DNM3: variants seen among roughly 807,000 people sequenced by gnomAD.
DNM3 encodes the protein dynamin 3, also known as dynamin-3.
In DNM3, 47 loss-of-function variants were observed where a neutral mutation model predicts 101.6. The observed-to-expected ratio is 0.46, with a 90% CI of 0.37 to 0.59. DNM3 has a LOEUF of 0.59. Among genes scored for constraint, DNM3 ranks in the 20% least tolerant of loss-of-function variants. The probability of loss-of-function intolerance (pLI) is 0.00; values close to 1 mark genes in which losing one functional copy is unlikely to be tolerated. For missense variants in DNM3, 849 were observed against 1,085.7 expected, an observed-to-expected ratio of 0.78 and a Z score of 3.06; for synonymous variants, 385 against 387.9, an observed-to-expected ratio of 0.99 and a Z score of 0.09.
intron 2 of DNM3, among the ~76,000 whole-genome samples, chr1:171,961,641 A>G (rs2043217240): frequency 2.0e-5 from 3 of 152,206 alleles, no homozygotes; most frequent in Admixed American, 6.5e-5. Flanking sequence ...CCAAACAGAT[A>G]TGTGCCCACC....
chr1:172,353,994 G>A (rs17277932), intron 17 of DNM3, among the ~76,000 whole-genome samples: 13,967 of 151,756 alleles, frequency 0.092, 921 homozygotes, highest in Non-Finnish European at 0.14. Context: ...CCACTTACTC[G>A]TGGTTCACGG....
chr1:172,399,089 C>A (rs2070256831), intron 20 of DNM3, among the ~76,000 whole-genome samples: 1 of 152,140 alleles, frequency 6.6e-6, no homozygotes, highest in South Asian at 2.1e-4. Context: ...TGAGTAAATT[C>A]TTTGTGTTCC....
intron 15 of DNM3, among the ~76,000 whole-genome samples, chr1:172,267,173 G>A (rs2062894682): frequency 2.6e-5 from 4 of 152,194 alleles, no homozygotes; most frequent in Admixed American, 2.6e-4. Context: ...TCTACTGTGA[G>A]ACTGCTTTCC....
chr1:171,973,588 CT>C (rs1199959041), intron 2 of DNM3, among the ~76,000 whole-genome samples: 2 of 151,916 alleles, frequency 1.3e-5, no homozygotes, highest in East Asian at 3.9e-4. Context: ...GTGGAGGGAA[CT>C]GAGGCTTGGG....
chr1:171,943,342 A>G (rs1234641465), intron 2 of DNM3, among the ~76,000 whole-genome samples: 1 of 152,166 alleles, frequency 6.6e-6, no homozygotes, highest in Admixed American at 6.5e-5. Context: ...AAACTAGTTC[A>G]GGACATGATG....
chr1:172,233,673 A>G (rs2061425406), intron 14 of DNM3, among the ~76,000 whole-genome samples: 1 of 152,236 alleles, frequency 6.6e-6, no homozygotes, highest in African/African-American at 2.4e-5. Context: ...CCAGCAACAC[A>G]TCAAAAAGCT....
chr1:172,055,539 TATAAG>T (rs1268387028), intron 10 of DNM3, among the ~76,000 whole-genome samples: 2 of 152,052 alleles, frequency 1.3e-5, no homozygotes, highest in African/African-American at 4.8e-5. Flanking sequence ...GTTGCTGTGT[TATAAG>T]ATAATTAAGG....
intron 13 of DNM3, among the ~76,000 whole-genome samples, chr1:172,123,544 C>T (rs755055560): frequency 1.3e-5 from 2 of 152,158 alleles, no homozygotes; most frequent in Non-Finnish European, 2.9e-5. Context: ...CTGAATTGAA[C>T]TTGTCCCTGA....
chr1:172,040,211 G>A (rs1034643059), intron 7 of DNM3, among the ~76,000 whole-genome samples: 2 of 152,118 alleles, frequency 1.3e-5, no homozygotes, highest in African/African-American at 2.4e-5. Flanking sequence ...TCATGTTTCA[G>A]TGTGTATGTC....
intron 14 of DNM3, chr1:172,131,676 T>G (rs917928580): frequency 1.2e-5 from 3 of 246,616 alleles, no homozygotes; most frequent in Non-Finnish European, 2.5e-5. Context: ...ATAATATTGA[T>G]GCACAGTTAA....
intron 4 of DNM3, among the ~76,000 whole-genome samples, chr1:172,022,495 C>A (rs1042758948): frequency 6.6e-6 from 1 of 151,980 alleles, no homozygotes; most frequent in Non-Finnish European, 1.5e-5. Flanking sequence ...GATCTAGCTT[C>A]CTTTTCAGAT....
Position 171,944,437 on chromosome 1 carries a change from G to A in DNM3, c.235+22616G>A, listed in dbSNP as rs185205636. Among the ~76,000 whole-genome samples the A allele has an allele frequency of 3.7e-4, 56 of 149,788 alleles. No individual in the cohort carries two copies. The East Asian group carries it at 0.011, about 30-fold the overall frequency. On this transcript the variant is annotated intron_variant, in intron 2 of 20. Coordinates refer to ENST00000627582, the MANE Select transcript of DNM3 (RefSeq NM_015569.5). Reference sequence around the variant, plus strand: ...GTCACCCAGGCTGGAGTATAGTGGCGGGATCTCAGCTCACTGCAACCTCTG... The same window carrying A: ...GTCACCCAGGCTGGAGTATAGTGGCAGGATCTCAGCTCACTGCAACCTCTG...
At chr1:172,041,631 G>T (rs1017297632) in intron 7 of DNM3, among the ~76,000 whole-genome samples, 1 of 152,202 alleles carries the variant, frequency 6.6e-6, no homozygotes, top group East Asian at 1.9e-4. Context: ...AATAGAGCTG[G>T]AGCATTTGGG....
intron 13 of DNM3, among the ~76,000 whole-genome samples, chr1:172,108,064 G>A (rs1036640466): frequency 1.3e-5 from 2 of 151,736 alleles, no homozygotes; most frequent in East Asian, 1.9e-4. Flanking sequence ...CTTAAGTCTC[G>A]GTGTCAAGGT....
intron 17 of DNM3, among the ~76,000 whole-genome samples, chr1:172,374,024 G>A (rs1359803409): frequency 6.6e-6 from 1 of 152,012 alleles, no homozygotes; most frequent in East Asian, 1.9e-4. Context: ...TGGCAACTTT[G>A]GAAGTAGCTC....
At position 172,395,066 on chromosome 1, in the gene DNM3, A is replaced by T. The variant is rs558795416; in HGVS notation, c.2522+6257A>T. 2.1e-3 allele frequency among the ~76,000 whole-genome samples: 327 copies of T among 152,262 alleles called. 1 individual carries two copies. The highest frequency in any genetic ancestry group is 7.2e-3 in the African/African-American group (301 of 41,560). On this transcript the variant is annotated intron_variant, in intron 20 of 20. Coordinates refer to ENST00000627582, the MANE Select transcript of DNM3 (RefSeq NM_015569.5). ...TTTAACGACGTCAACGATTCATGGCATGACATTGCTCATAGCTCTTTCACC... is the reference window on the plus strand; with the variant it reads ...TTTAACGACGTCAACGATTCATGGCTTGACATTGCTCATAGCTCTTTCACC...
rs771144559 is a variant in DNM3 at position 171,957,183 on chromosome 1, T to TTTTC, written c.236-30457_236-30454dup. The stretch of plus-strand genomic sequence containing the variant: ...TTTCTTCTCAGAAAACGTGTTTTTC[T>TTTTC]TTTCTTTCTTTCTTTCTTTTTTTTT... On this transcript the variant is annotated intron_variant, in intron 2 of 20. Transcript: ENST00000627582. 1.8e-4 allele frequency among the ~76,000 whole-genome samples: 27 copies of TTTTC among 151,370 alleles called. No individual in the cohort carries two copies. In the East Asian group the frequency reaches 2.3e-3, roughly 13 times the overall value.
intron 1 of DNM3, among the ~76,000 whole-genome samples, chr1:171,891,517 GC>G (rs1287125274): frequency 6.6e-6 from 1 of 151,820 alleles, no homozygotes; most frequent in Non-Finnish European, 1.5e-5. Flanking sequence ...GTTGTTTTTA[GC>G]CTGCTTGCCT....
At chr1:172,143,184 A>C (rs1572700273) in intron 14 of DNM3, among the ~76,000 whole-genome samples, 2 of 152,174 alleles carry the variant, frequency 1.3e-5, no homozygotes, top group Non-Finnish European at 2.9e-5. Context: ...GCTAAAGAGA[A>C]CTTGAGTCAA....
Sources: gnomAD v4.1 joint callset for allele counts (sites outside exome capture counted in the v4.1 genomes callset) on GRCh38, gnomAD v4.1.1 for gene constraint, MANE v1.5 for transcripts, NCBI Gene and HGNC (gene_info 2026-07-23, HGNC 2026-07-21) for gene names.